Variants in SERPINA12 observed in about 807,000 individuals in gnomAD.
SERPINA12 encodes the protein serpin family A member 12, also known as serpin A12.
A neutral mutation model predicts 25.9 loss-of-function variants in SERPINA12; 21 were observed. The ratio of observed to expected loss-of-function variants is 0.81; its 90% CI spans 0.58 to 1.17. SERPINA12 has a LOEUF of 1.17. SERPINA12 is among the 50% of genes most tolerant of loss of function. The pLI is 0.00. For synonymous variants in SERPINA12, 220 were observed against 196.0 expected, an observed-to-expected ratio of 1.12 and a Z score of -1.02; for missense variants, 562 against 508.3, an observed-to-expected ratio of 1.11 and a Z score of -1.02.
intron 1 of SERPINA12, among the ~76,000 whole-genome samples, chr14:94,508,229 T>C (rs1901002858): frequency 6.6e-6 from 1 of 152,270 alleles, no homozygotes; most frequent in Non-Finnish European, 1.5e-5. Flanking sequence ...GGGAGCTTAA[T>C]CAATAAATGA....
upstream of SERPINA12, among the ~76,000 whole-genome samples, chr14:94,513,158 T>A (rs1901151541): frequency 6.6e-6 from 1 of 152,204 alleles, no homozygotes; most frequent in African/African-American, 2.4e-5. Flanking sequence ...GAAAGCAGGC[T>A]GATAGAAACC....
chr14:94,509,062 C>T (rs1433354864), intron 1 of SERPINA12, among the ~76,000 whole-genome samples: 2 of 152,132 alleles, frequency 1.3e-5, no homozygotes, highest in East Asian at 3.9e-4. Context: ...AAAATCAGGT[C>T]TTCTGGTTCT....
rs780099551 is a variant in SERPINA12 at position 94,489,708 on chromosome 14, G to A, written c.965C>T (p.Thr322Ile). The A allele has an allele frequency of 4.3e-6, 7 of 1,614,194 alleles. No homozygotes were observed. The East Asian group carries it at 1.6e-4, about 36-fold the overall frequency. The stretch of plus-strand genomic sequence containing the variant: ...TTTGGAGACACCTATGTAGGAGAGA[G>A]TCTTCTTCAGGTCGAAGGTGCCCGT... ...HMTGTFDLKKTLSYIGVSKIF... is the reference protein window; with the variant it reads ...HMTGTFDLKKILSYIGVSKIF... Residue 322 changes from threonine to isoleucine, a missense_variant, in exon 4 of 5, where the codon ACT becomes ATT. Coordinates refer to ENST00000677451, the MANE Select transcript of SERPINA12 (RefSeq NM_001382267.1).
At chr14:94,511,899 A>G (rs1168600750), upstream of SERPINA12, among the ~76,000 whole-genome samples, 1 of 152,084 alleles carries the variant, frequency 6.6e-6, no homozygotes, top group Non-Finnish European at 1.5e-5. Context: ...GGAGTTTGAG[A>G]CCAGCCTGGC....
At chr14:94,514,107 G>A (rs534255936), upstream of SERPINA12, among the ~76,000 whole-genome samples, 45 of 152,226 alleles carry the variant, frequency 3.0e-4, no homozygotes, top group Non-Finnish European at 5.4e-4. Context: ...GAGATAATTC[G>A]TGCAAAGCCC....
chr14:94,517,515 A>C (rs1901266059), exon 1 of SERPINA12: 1 of 152,196 alleles, frequency 6.6e-6, no homozygotes, highest in African/African-American at 2.4e-5. Context: ...CAGTGTGTCT[A>C]CGGATCTGGA....
At chr14:94,500,682 G>T (rs2139856350) in intron 1 of SERPINA12, among the ~76,000 whole-genome samples, 1 of 152,268 alleles carries the variant, frequency 6.6e-6, no homozygotes, top group East Asian at 1.9e-4. Context: ...CAGCAACTTT[G>T]CCCCGTGAGG....
intron 3 of SERPINA12, among the ~76,000 whole-genome samples, chr14:94,492,192 G>A (rs117562338): frequency 1.3e-5 from 2 of 152,290 alleles, no homozygotes; most frequent in African/African-American, 4.8e-5. Flanking sequence ...TTGGGACCCT[G>A]GGAAGGGAGC....
chr14:94,488,597 C>T (rs1362407972), intron 4 of SERPINA12, among the ~76,000 whole-genome samples: 2 of 152,078 alleles, frequency 1.3e-5, no homozygotes. Flanking sequence ...TCTGAACATA[C>T]TGGCACTAAA....
chr14:94,487,325 A>C lies in SERPINA12; in HGVS notation c.1223T>G (p.Ile408Ser), dbSNP rs371939249. The C allele has an allele frequency of 2.5e-6, 4 of 1,613,858 alleles. No homozygotes were observed. The highest frequency in any genetic ancestry group is 3.4e-6 in the Non-Finnish European group (4 of 1,179,950). ...KIPSVLFLGKIVNPIGK is the reference protein window; with the variant it reads ...KIPSVLFLGKSVNPIGK The stretch of plus-strand genomic sequence containing the variant: ...CCTTTATTTTCCAATAGGGTTAACA[A>C]TCTTTCCCAGGAAGAGCACGGAAGG... Residue 408 changes from isoleucine (I) to serine (S), a missense_variant, in exon 5 of 5, where the codon ATT becomes AGT. By Grantham distance (142) the Ile-to-Ser change is moderately radical. Coordinates refer to ENST00000677451, the MANE Select transcript of SERPINA12 (RefSeq NM_001382267.1).
chr14:94,500,344 C>T (rs1476683578), intron 1 of SERPINA12, among the ~76,000 whole-genome samples: 1 of 152,114 alleles, frequency 6.6e-6, no homozygotes, highest in Non-Finnish European at 1.5e-5. Flanking sequence ...TTCTCCTCAT[C>T]TTCTCTTTCT....
Position 94,505,411 on chromosome 14 carries a change from G to A in SERPINA12, c.-34+3931C>T, listed in dbSNP as rs56205234. Among the ~76,000 whole-genome samples the A allele has an allele frequency of 7.0e-3, 1,071 of 152,322 alleles. 5 individuals carry two copies. Among genetic ancestry groups the A allele is most frequent in the African/African-American group, 0.023 (957 of 41,574 alleles). ...TGCCCCTGAGCCACCACCTTCCCTC[G>A]CCCAGGCAGCAAGGCCTGCCTGCTG... On this transcript the variant is annotated intron_variant, in intron 1 of 4. Transcript: ENST00000677451.
At chr14:94,493,488 G>T (rs555349781) in intron 3 of SERPINA12, among the ~76,000 whole-genome samples, 15 of 152,274 alleles carry the variant, frequency 9.9e-5, no homozygotes, top group Admixed American at 4.6e-4. Flanking sequence ...CCAGAGGGAT[G>T]GGGGAGGCAG....
In SERPINA12 at chr14:94,497,762, A is replaced by G. The variant is rs200383305; in HGVS notation, c.634+2T>C. On this transcript the variant is annotated splice_donor_variant, in intron 2 of 4. Coordinates refer to ENST00000677451, the MANE Select transcript of SERPINA12 (RefSeq NM_001382267.1). LOFTEE classifies it high-confidence loss of function. ...TCCACACCAACATGCCAAAAGCCTT[A>G]CCTCGAAAGAAAATATAATTTGCAA... 3.0e-5 allele frequency: 48 copies of G among 1,597,906 alleles called. No homozygotes were observed. The highest frequency in any genetic ancestry group is 4.0e-5 in the Non-Finnish European group (47 of 1,172,572).
In SERPINA12 at chr14:94,498,198, T is replaced by C; in HGVS notation, c.200A>G (p.Asn67Ser). 6.2e-7 allele frequency: 1 copy of C among 1,614,118 alleles called. No homozygotes were observed. The highest frequency in any genetic ancestry group is 8.5e-7 in the Non-Finnish European group (1 of 1,180,026). ...FKLLKKLAFYNPGRNIFLSPL... is the reference protein window; with the variant it reads ...FKLLKKLAFYSPGRNIFLSPL... ...GGATAGGAAGATGTTCCTGCCAGGGTTGTAAAAGGCCAGCTTCTTGAGCAG... is the reference window on the plus strand; with the variant it reads ...GGATAGGAAGATGTTCCTGCCAGGGCTGTAAAAGGCCAGCTTCTTGAGCAG... Residue 67 changes from asparagine (N) to serine (S), a missense_variant, in exon 2 of 5, where the codon AAC becomes AGC. Coordinates refer to ENST00000677451, the MANE Select transcript of SERPINA12 (RefSeq NM_001382267.1).
At chr14:94,496,692 GT>G in intron 2 of SERPINA12, 49 bp from the exon 3 acceptor site, 1 of 1,553,442 alleles carries the variant, frequency 6.4e-7, no homozygotes, top group Non-Finnish European at 8.8e-7. Context: ...GGGAAAAAAG[GT>G]GACTAAATCC....
intron 2 of SERPINA12, 109 bp from the exon 3 acceptor site, chr14:94,496,752 T>G (rs545943238): frequency 2.2e-6 from 2 of 909,976 alleles, no homozygotes; most frequent in African/African-American, 3.3e-5. Context: ...AAAGGGGATA[T>G]TCCGGGATAT....
At chr14:94,487,838 T>G (rs1189273938) in intron 4 of SERPINA12, among the ~76,000 whole-genome samples, 1 of 152,098 alleles carries the variant, frequency 6.6e-6, no homozygotes, top group Non-Finnish European at 1.5e-5. Flanking sequence ...TGGGTGAAAG[T>G]GAGGTGGTGG....
intron 2 of SERPINA12, chr14:94,515,710 A>T (rs1595703406): frequency 6.6e-6 from 1 of 152,430 alleles, no homozygotes; most frequent in East Asian, 1.9e-4. Flanking sequence ...GCGGGCAAAC[A>T]GTGCAGATGC....
Sources: allele counts gnomAD v4.1 joint callset (sites outside exome capture counted in the v4.1 genomes callset), GRCh38; gene constraint gnomAD v4.1.1; transcripts MANE v1.5; gene names NCBI Gene and HGNC (gene_info 2026-07-23, HGNC 2026-07-21).